The following CEP112 variants were observed in gnomAD, a reference collection of about 807,000 sequenced individuals.
CEP112 encodes centrosomal protein 112.
Under a neutral mutation model 153.0 loss-of-function variants are expected in CEP112, and 127 were observed. That is an observed-to-expected ratio of 0.83 (90% CI 0.72 to 0.96). The LOEUF is 0.96. Ranked by LOEUF, CEP112 falls within the 40% of genes least tolerant of loss-of-function variation. CEP112 has a pLI of 0.00. For missense variants in CEP112, 1,089 were observed against 1,101.2 expected, an observed-to-expected ratio of 0.99 and a Z score of 0.16; for synonymous variants, 358 against 374.4, an observed-to-expected ratio of 0.96 and a Z score of 0.51.
intron 20 of CEP112, among the ~76,000 whole-genome samples, chr17:65,892,168 GA>G (rs1340320775): frequency 6.6e-6 from 1 of 152,186 alleles, no homozygotes; most frequent in Non-Finnish European, 1.5e-5. Context: ...ATCAGGATGT[GA>G]AAGGCACCTC....
intron 20 of CEP112, among the ~76,000 whole-genome samples, chr17:65,886,444 T>A (rs2059280612): frequency 6.6e-6 from 1 of 152,212 alleles, no homozygotes; most frequent in East Asian, 1.9e-4. Context: ...TGACACATGA[T>A]TATAACGGCA....
intron 20 of CEP112, among the ~76,000 whole-genome samples, chr17:65,870,462 G>A (rs866747503): frequency 1.2e-4 from 19 of 152,134 alleles, no homozygotes; most frequent in Admixed American, 2.6e-4. Context: ...AAATAGCTAT[G>A]TAGAAGCATT....
At chr17:65,879,151 G>T (rs896646138) in intron 20 of CEP112, among the ~76,000 whole-genome samples, 4 of 152,224 alleles carry the variant, frequency 2.6e-5, no homozygotes, top group Non-Finnish European at 5.9e-5. Context: ...CAATGATTTT[G>T]AGATGGGAAA....
intron 24 of CEP112, among the ~76,000 whole-genome samples, chr17:65,653,136 T>C (rs1409315964): frequency 1.3e-5 from 2 of 152,160 alleles, no homozygotes; most frequent in Admixed American, 6.6e-5. Flanking sequence ...CATTGGGGAT[T>C]AGGGATTCAA....
At position 65,986,091 on chromosome 17, in the gene CEP112, T is replaced by C. The variant is rs186830000; in HGVS notation, c.1736+19599A>G. On this transcript the variant is annotated intron_variant, in intron 17 of 26. Transcript: ENST00000535342. ...ATCTCAGTAAGAATAGCTCTAGGTT[T>C]CATAGATAAAATGATATCTGGCTAA... 4.0e-4 allele frequency among the ~76,000 whole-genome samples: 61 copies of C among 152,254 alleles called. No individual in the cohort carries two copies. The East Asian group carries it at 9.1e-3, about 23-fold the overall frequency.
intron 21 of CEP112, among the ~76,000 whole-genome samples, chr17:65,776,921 T>C (rs1399074620): frequency 6.6e-6 from 1 of 152,232 alleles, no homozygotes; most frequent in African/African-American, 2.4e-5. Context: ...GTAATAAGAA[T>C]AGTTTCTTAT....
intron 18 of CEP112, among the ~76,000 whole-genome samples, chr17:65,931,227 G>A (rs1197140080): frequency 6.6e-6 from 1 of 152,220 alleles, no homozygotes; most frequent in African/African-American, 2.4e-5. Flanking sequence ...CTATCTCATA[G>A]AAATCCAACT....
intron 17 of CEP112, among the ~76,000 whole-genome samples, chr17:65,970,431 C>T (rs2062666873): frequency 9.7e-6 from 1 of 102,726 alleles, no homozygotes; most frequent in Admixed American, 1.2e-4. Flanking sequence ...TACATGCATG[C>T]ACACATCATG....
chr17:65,892,028 A>T (rs1247317268), intron 20 of CEP112, among the ~76,000 whole-genome samples: 1 of 152,176 alleles, frequency 6.6e-6, no homozygotes, highest in Non-Finnish European at 1.5e-5. Context: ...TTGTCTTATG[A>T]TCTGTCTTCC....
intron 17 of CEP112, among the ~76,000 whole-genome samples, chr17:65,988,730 G>GA (rs34420119): frequency 0.59 from 88,656 of 151,134 alleles, 27,319 homozygotes; most frequent in African/African-American, 0.72. Flanking sequence ...ATTGAGAGGA[G>GA]AAAAAAGAAA....
chr17:65,692,136 T>C (rs1369318043), intron 23 of CEP112, among the ~76,000 whole-genome samples: 2 of 152,128 alleles, frequency 1.3e-5, no homozygotes, highest in East Asian at 1.9e-4. Flanking sequence ...TATTATTCCA[T>C]CTATGTTAGA....
rs1272906859 is a variant in CEP112 at position 65,635,982 on chromosome 17, C to T, written c.2865-8G>A. ...ATTCTCTCGTGCAGTTACCTGTAAA[C>T]CAAAAATCGCAGTCACGACTTTCTC... On this transcript the variant is annotated splice_polypyrimidine_tract_variant and splice_region_variant and intron_variant, in intron 26 of 26. Coordinates refer to ENST00000535342, the MANE Select transcript of CEP112 (RefSeq NM_001199165.4). The T allele has an allele frequency of 1.9e-6, 3 of 1,599,046 alleles. No homozygotes were observed. The East Asian group carries it at 6.7e-5, about 36-fold the overall frequency.
intron 4 of CEP112, among the ~76,000 whole-genome samples, chr17:66,159,175 C>T (rs1297149686): frequency 1.3e-5 from 2 of 152,050 alleles, no homozygotes; most frequent in Non-Finnish European, 2.9e-5. Flanking sequence ...CTGAATAGAC[C>T]AATAACAAGT....
At chr17:66,070,314 G>C (rs921481859) in intron 8 of CEP112, among the ~76,000 whole-genome samples, 1 of 151,960 alleles carries the variant, frequency 6.6e-6, no homozygotes, top group African/African-American at 2.4e-5. Context: ...GTGATATTTT[G>C]CTTTTACATT....
intron 8 of CEP112, among the ~76,000 whole-genome samples, chr17:66,088,146 C>T (rs536098065): frequency 7.9e-5 from 12 of 152,166 alleles, no homozygotes; most frequent in East Asian, 7.7e-4. Context: ...GCCAGACCAG[C>T]CCCTACAGAC....
intron 25 of CEP112, among the ~76,000 whole-genome samples, chr17:65,640,557 T>C (rs1208205011): frequency 6.6e-6 from 1 of 152,216 alleles, no homozygotes; most frequent in Non-Finnish European, 1.5e-5. Flanking sequence ...CTAACGACCA[T>C]GTAAAATACA....
chr17:66,009,184 TC>T (rs2064402497), intron 16 of CEP112, among the ~76,000 whole-genome samples: 1 of 112,716 alleles, frequency 8.9e-6, no homozygotes, highest in Non-Finnish European at 1.8e-5. Flanking sequence ...ACACTTGTTA[TC>T]CCTTTGTGTG....
chr17:65,771,191 C>T (rs540940200), intron 21 of CEP112, among the ~76,000 whole-genome samples: 8 of 152,062 alleles, frequency 5.3e-5, no homozygotes, highest in Admixed American at 3.3e-4. Context: ...AAAAGATGTA[C>T]CATGCAAACA....
At chr17:65,744,895 C>T (rs560813483) in intron 22 of CEP112, among the ~76,000 whole-genome samples, 239 of 152,216 alleles carry the variant, frequency 1.6e-3, no homozygotes, top group African/African-American at 4.6e-3. Flanking sequence ...ATTAGACCCA[C>T]GTTAGAATAT....
Sources: gnomAD v4.1 joint callset for allele counts (sites outside exome capture counted in the v4.1 genomes callset) on GRCh38, gnomAD v4.1.1 for gene constraint, MANE v1.5 for transcripts, NCBI Gene and HGNC (gene_info 2026-07-23, HGNC 2026-07-21) for gene names.